SIK3: variants seen among roughly 807,000 people sequenced by gnomAD.
SIK3 encodes the protein SIK family kinase 3.
SIK3 carries 28 observed loss-of-function variants against 144.2 expected under a neutral mutation model. That is an observed-to-expected ratio of 0.19 (90% CI 0.14 to 0.27). SIK3 has a LOEUF of 0.27. Ranked by LOEUF, SIK3 falls within the 10% of genes least tolerant of loss-of-function variation. The pLI is 1.00. For missense variants in SIK3, 1,319 were observed against 1,776.0 expected, an observed-to-expected ratio of 0.74 and a Z score of 4.62; for synonymous variants, 686 against 676.3, an observed-to-expected ratio of 1.01 and a Z score of -0.22.
chr11:117,082,574 C>T (rs1007479516), intron 1 of SIK3, among the ~76,000 whole-genome samples: 3 of 152,050 alleles, frequency 2.0e-5, no homozygotes, highest in East Asian at 1.9e-4. Context: ...GTCCAGATGA[C>T]GTAAATCGAT....
At chr11:116,926,768 C>A (rs1478958381) in intron 4 of SIK3, among the ~76,000 whole-genome samples, 1 of 152,142 alleles carries the variant, frequency 6.6e-6, no homozygotes. Context: ...CGCCTGTAAT[C>A]CCAGCACTTT....
In SIK3 at chr11:116,957,058, T is replaced by C. The variant is rs1949165835; in HGVS notation, c.280A>G (p.Ile94Val). The C allele has an allele frequency of 1.3e-6, 2 of 1,593,450 alleles. No homozygotes were observed. Among genetic ancestry groups the C allele is most frequent in the Non-Finnish European group, 1.7e-6 (2 of 1,171,412 alleles). Residue 94 changes from isoleucine (I) to valine (V), a missense_variant, in exon 2 of 25, where the codon ATC becomes GTC. Ile to Val is a conservative substitution (Grantham distance 29). Around this residue, in one of 8 missense-constraint regions of SIK3, gnomAD observed 125 missense variants for 285.2 expected, o/e 0.44. Coordinates refer to ENST00000445177, the MANE Select transcript of SIK3 (RefSeq NM_001366686.3). ...THLVTKAKVA[I>V]KIIDKTQLDE... ...AGCTGGGTCTTATCTATGATCTTGA[T>C]AGCAACCTGACAACAGAGGGAAAAA... is the stretch of plus-strand genomic sequence containing the variant.
chr11:116,865,918 T>C (rs1484529328), intron 15 of SIK3, among the ~76,000 whole-genome samples: 4 of 152,156 alleles, frequency 2.6e-5, no homozygotes, highest in Admixed American at 2.6e-4. Context: ...AAATGCCCCA[T>C]CTTATGCAAT....
At chr11:116,994,856 CA>C (rs1950607711) in intron 1 of SIK3, among the ~76,000 whole-genome samples, 2 of 152,314 alleles carry the variant, frequency 1.3e-5, no homozygotes, top group Admixed American at 1.3e-4. Flanking sequence ...CTTCATTCCT[CA>C]AACAAAACAG....
At chr11:117,046,346 T>G (rs1453565010) in intron 1 of SIK3, among the ~76,000 whole-genome samples, 2 of 152,214 alleles carry the variant, frequency 1.3e-5, no homozygotes, top group African/African-American at 4.8e-5. Context: ...CAAAAATTAT[T>G]TCTTCTTGAT....
chr11:117,097,901 C>G (rs1015943335), intron 1 of SIK3, among the ~76,000 whole-genome samples: 1 of 151,960 alleles, frequency 6.6e-6, no homozygotes, highest in Non-Finnish European at 1.5e-5. Flanking sequence ...GACCCCTCCC[C>G]GCGCCCGGCT....
At chr11:117,044,607 A>G (rs1201348909) in intron 1 of SIK3, among the ~76,000 whole-genome samples, 1 of 133,388 alleles carries the variant, frequency 7.5e-6, no homozygotes, top group African/African-American at 2.6e-5. Context: ...CACATTTTGT[A>G]TCACCAAGAA....
chr11:116,932,260 T>G (rs1410659945), intron 3 of SIK3, among the ~76,000 whole-genome samples: 1 of 152,168 alleles, frequency 6.6e-6, no homozygotes, highest in African/African-American at 2.4e-5. Flanking sequence ...GGTAGTAATC[T>G]TTTTTTAAAA....
At chr11:116,988,181 A>C (rs993592724) in intron 1 of SIK3, among the ~76,000 whole-genome samples, 7 of 151,724 alleles carry the variant, frequency 4.6e-5, no homozygotes, top group African/African-American at 1.7e-4. Flanking sequence ...TCACAAGGAG[A>C]TTGAGACCAT....
intron 3 of SIK3, 100 bp from the exon 4 acceptor site, chr11:116,927,480 T>C: frequency 1.8e-6 from 2 of 1,113,740 alleles, no homozygotes; most frequent in Non-Finnish European, 2.6e-6. Context: ...TCGAGTGAGT[T>C]AAAGAGGCAA....
chr11:116,859,155 C>T (rs1269419694), intron 20 of SIK3, 110 bp downstream of exon 20: 14 of 993,580 alleles, frequency 1.4e-5, no homozygotes, highest in Non-Finnish European at 2.0e-5. Flanking sequence ...AACAAGAGCA[C>T]AGCCTAGTCA....
At chr11:116,912,572 G>A (rs924765735) in intron 4 of SIK3, among the ~76,000 whole-genome samples, 2 of 152,124 alleles carry the variant, frequency 1.3e-5, no homozygotes, top group African/African-American at 2.4e-5. Context: ...TTTGAGCGAC[G>A]GACAACCCTG....
At chr11:117,089,332 G>A (rs1386071875) in intron 1 of SIK3, among the ~76,000 whole-genome samples, 3 of 151,402 alleles carry the variant, frequency 2.0e-5, no homozygotes, top group African/African-American at 4.9e-5. Context: ...GCGTGAACCC[G>A]AGAGGTGGAG....
chr11:117,095,593 G>T (rs1456126579), intron 1 of SIK3, among the ~76,000 whole-genome samples: 1 of 152,106 alleles, frequency 6.6e-6, no homozygotes, highest in East Asian at 1.9e-4. Context: ...ACCTTAATAG[G>T]CCATCGTACT....
At chr11:117,069,500 A>C (rs866411875) in intron 1 of SIK3, among the ~76,000 whole-genome samples, 2 of 152,196 alleles carry the variant, frequency 1.3e-5, no homozygotes, top group South Asian at 2.1e-4. Flanking sequence ...TCAATGTTCA[A>C]ACTGCCCCAA....
chr11:116,859,485 G>A lies in SIK3; in HGVS notation c.2545C>T (p.Pro849Ser), dbSNP rs1388772937. 3.7e-6 allele frequency: 6 copies of A among 1,614,194 alleles called. No individual in the cohort carries two copies. The East Asian group carries it at 8.9e-5, about 24-fold the overall frequency. The change falls in exon 20 of 25, where the codon CCT (proline) becomes TCT (serine). Residue 849 changes from proline (P) to serine (S), a missense_variant. This residue lies in a region of SIK3 where 646 missense variants were observed against 763.7 expected (regional missense o/e 0.85). Coordinates refer to ENST00000445177, the MANE Select transcript of SIK3 (RefSeq NM_001366686.3). ...VALTCLGMQQ[P>S]AQSQQVTIQV... ...ATGGTGACCTGCTGTGACTGAGCAG[G>A]CTGCTGCATACCCAAGCAGGTTAGT...
chr11:117,088,982 A>T (rs1955129947), intron 1 of SIK3, among the ~76,000 whole-genome samples: 1 of 151,914 alleles, frequency 6.6e-6, no homozygotes, highest in Non-Finnish European at 1.5e-5. Flanking sequence ...GCATCTGGCC[A>T]GGTATTTTCT....
chr11:116,916,954 A>T (rs1471322316), intron 4 of SIK3, among the ~76,000 whole-genome samples: 1 of 151,204 alleles, frequency 6.6e-6, no homozygotes, highest in Non-Finnish European at 1.5e-5. Context: ...AAAGTAAAAA[A>T]TTTTATTGTT....
Position 116,876,007 on chromosome 11 carries a change from T to C in SIK3, c.1098A>G (p.Ser366=), listed in dbSNP as rs1944233893. 1.2e-6 allele frequency: 2 copies of C among 1,613,564 alleles called. No homozygotes were observed. The highest frequency in any genetic ancestry group is 1.3e-5 in the African/African-American group (1 of 74,986). ...MGLDKEQTLQ[S]LRSDAYDHYS... ...AGTGATCATAGGCATCTGATCTTAA[T>C]GACTACCAAGAGAGAAGGGAAAAGA... The change falls in exon 9 of 25, where the codon TCA becomes TCG. Residue 366 remains serine (S), a splice_region_variant and synonymous_variant. Transcript: ENST00000445177.
Sources: gnomAD v4.1 joint callset for allele counts (sites outside exome capture counted in the v4.1 genomes callset) on GRCh38, gnomAD v4.1.1 for gene constraint, gnomAD v4.1.1 regional missense constraint, MANE v1.5 for transcripts, NCBI Gene and HGNC (gene_info 2026-07-23, HGNC 2026-07-21) for gene names.